The following GCNT2 variants were observed in gnomAD, a reference collection of about 807,000 sequenced individuals.
GCNT2 encodes glucosaminyl (N-acetyl) transferase 2 (I blood group), also known as N-acetyllactosaminide beta-1,6-N-acetylglucosaminyl-transferase.
A neutral mutation model predicts 34.2 loss-of-function variants in GCNT2; 34 were observed. The observed-to-expected ratio is 1.00, with a 90% CI of 0.76 to 1.32. The LOEUF is 1.32. Among genes scored for constraint, GCNT2 ranks in the 40% most tolerant of loss-of-function variants. GCNT2 has a pLI of 0.00. For synonymous variants in GCNT2, 212 were observed against 188.0 expected, an observed-to-expected ratio of 1.13 and a Z score of -1.04; for missense variants, 584 against 489.4, an observed-to-expected ratio of 1.19 and a Z score of -1.82.
At chr6:10,589,004 T>G (rs1018273382) in intron 3 of GCNT2, among the ~76,000 whole-genome samples, 4 of 143,766 alleles carry the variant, frequency 2.8e-5, no homozygotes, top group Admixed American at 2.1e-4. Context: ...TGTGGGTGTG[T>G]GTGTGGTGTG....
rs775913194 is a variant in GCNT2, at chr6:10,528,615, A to G, written c.-281-16A>G. 1 of 458,984 alleles carries G rather than the reference A, an allele frequency of 2.2e-6. No individual in the cohort carries two copies. Among genetic ancestry groups the G allele is most frequent in the Non-Finnish European group, 4.0e-6 (1 of 250,090 alleles). 28.4% of individuals were successfully genotyped at this position (458,984 alleles called of 1,614,324 possible). ...CTGGAATCAGAACCTCTCTGAGGAC[A>G]TCTGTTTTTGTGTAGACACAGGTTG... On this transcript the variant is annotated splice_polypyrimidine_tract_variant and intron_variant, in intron 2 of 4. Coordinates refer to ENST00000495262, the MANE Select transcript of GCNT2 (RefSeq NM_145649.5).
At chr6:10,617,015 G>C (rs578142473) in intron 3 of GCNT2, among the ~76,000 whole-genome samples, 1 of 152,380 alleles carries the variant, frequency 6.6e-6, no homozygotes, top group South Asian at 2.1e-4. Context: ...TCCCGCACCA[G>C]GGCCGCAGGT....
At position 10,606,271 on chromosome 6, in the gene GCNT2, C is replaced by T. The variant is rs144049498; in HGVS notation, c.926-15080C>T. ...CAGAGGTTGCAGTGAGCCAAGATCA[C>T]GCTATTGCACTCCAGCCTGGGTGAC... is the stretch of plus-strand genomic sequence containing the variant. On this transcript the variant is annotated intron_variant, in intron 3 of 4. Transcript: ENST00000495262. Among the ~76,000 whole-genome samples the T allele has an allele frequency of 2.2e-3, 335 of 152,284 alleles. 4 individuals carry two copies. Among genetic ancestry groups the T allele is most frequent in the Admixed American group, 0.019 (291 of 15,298 alleles).
chr6:10,588,169 T>C (rs1764439536), intron 3 of GCNT2, among the ~76,000 whole-genome samples: 1 of 152,180 alleles, frequency 6.6e-6, no homozygotes. Context: ...GAGAGAATTA[T>C]GCTGTCTCAT....
chr6:10,585,528 C>G (rs558337291), intron 3 of GCNT2, among the ~76,000 whole-genome samples: 1 of 152,226 alleles, frequency 6.6e-6, no homozygotes, highest in Non-Finnish European at 1.5e-5. Context: ...GCCTCTGATT[C>G]TAGAAGGCTT....
intron 3 of GCNT2, chr6:10,587,033 T>G (rs925415878): frequency 1.2e-5 from 9 of 778,222 alleles, no homozygotes; most frequent in Non-Finnish European, 1.7e-5. Context: ...AAACTATTAG[T>G]TTGGTTGCTT....
chr6:10,546,199 G>A (rs138161036), intron 3 of GCNT2, among the ~76,000 whole-genome samples: 48 of 152,244 alleles, frequency 3.2e-4, no homozygotes, highest in African/African-American at 9.9e-4. Flanking sequence ...AGTTGAAGCC[G>A]TTTGGCCAGA....
At chr6:10,545,245 AC>A (rs1219669280) in intron 3 of GCNT2, among the ~76,000 whole-genome samples, 3 of 151,222 alleles carry the variant, frequency 2.0e-5, no homozygotes, top group Middle Eastern at 3.2e-3. Context: ...CTTTGCTTTT[AC>A]TTTTTTGGCT....
chr6:10,585,032 A>AGTGTGTGTGTGTGTGTGT (rs57538079), intron 3 of GCNT2, among the ~76,000 whole-genome samples: 1 of 127,482 alleles, frequency 7.8e-6, no homozygotes, highest in African/African-American at 3.2e-5. Flanking sequence ...TCCCATAGTC[A>AGTGTGTGTGTGTGTGTGT]GTGTGTGTGT....
chr6:10,569,980 C>CT (rs1446007807), intron 3 of GCNT2, among the ~76,000 whole-genome samples: 1 of 149,724 alleles, frequency 6.7e-6, no homozygotes, highest in Admixed American at 6.7e-5. Context: ...TTCTCTCTTT[C>CT]TTTCTTCCTG....
chr6:10,599,891 G>C (rs190213781), intron 3 of GCNT2, among the ~76,000 whole-genome samples: 10 of 152,262 alleles, frequency 6.6e-5, no homozygotes, highest in South Asian at 2.1e-4. Context: ...AAGTTTTTTT[G>C]AGTGGAAGAT....
intron 3 of GCNT2, among the ~76,000 whole-genome samples, chr6:10,575,449 A>T (rs1321798642): frequency 6.8e-6 from 1 of 146,578 alleles, no homozygotes; most frequent in Non-Finnish European, 1.5e-5. Flanking sequence ...GCATCCTCCG[A>T]CTCTTGGGTT....
intron 3 of GCNT2, among the ~76,000 whole-genome samples, chr6:10,554,004 C>A (rs1252293041): frequency 6.6e-6 from 1 of 152,152 alleles, no homozygotes; most frequent in African/African-American, 2.4e-5. Flanking sequence ...ACATGTCTAG[C>A]CTGATTAATT....
chr6:10,570,038 G>A (rs544091247), intron 3 of GCNT2, among the ~76,000 whole-genome samples: 5 of 151,706 alleles, frequency 3.3e-5, no homozygotes, highest in South Asian at 2.1e-4. Flanking sequence ...GCGTGATCAC[G>A]GCTCACAGCA....
intron 3 of GCNT2, chr6:10,530,095 C>T (rs1211953965): frequency 7.3e-6 from 3 of 412,848 alleles, no homozygotes; most frequent in African/African-American, 2.0e-5. Flanking sequence ...AGCACAGTGG[C>T]TCAAGCCTGT....
At position 10,610,102 on chromosome 6, in the gene GCNT2, C is replaced by T. The variant is rs375920873; in HGVS notation, c.926-11249C>T. 1.8e-4 allele frequency among the ~76,000 whole-genome samples: 28 copies of T among 152,330 alleles called. No homozygotes were observed. In the South Asian group the frequency reaches 3.9e-3, roughly 21 times the overall value. On this transcript the variant is annotated intron_variant, in intron 3 of 4. Transcript: ENST00000495262. ...AGTCTTCTTGATGAGAGATGTTGAG[C>T]ACCTGAGTGAGGACTGTGGCATCAA...
intron 3 of GCNT2, among the ~76,000 whole-genome samples, chr6:10,596,461 C>T (rs1174371210): frequency 6.6e-6 from 1 of 151,782 alleles, no homozygotes; most frequent in East Asian, 1.9e-4. Context: ...GCGGAGGTTG[C>T]AGTGAGCTGA....
chr6:10,524,619 C>T (rs150364587), intron 1 of GCNT2, among the ~76,000 whole-genome samples: 1 of 152,012 alleles, frequency 6.6e-6, no homozygotes, highest in Admixed American at 6.6e-5. Context: ...TAAGAAAGAG[C>T]AGGCAGAGAG....
At chr6:10,573,678 C>G (rs1424106314) in intron 3 of GCNT2, among the ~76,000 whole-genome samples, 1 of 152,224 alleles carries the variant, frequency 6.6e-6, no homozygotes, top group Non-Finnish European at 1.5e-5. Context: ...TGGTCTTCAA[C>G]TGAAAAGCAG....
Sources: allele counts gnomAD v4.1 joint callset (sites outside exome capture counted in the v4.1 genomes callset), GRCh38; gene constraint gnomAD v4.1.1; transcripts MANE v1.5; gene names NCBI Gene and HGNC (gene_info 2026-07-23, HGNC 2026-07-21).